The following PRKCG variants were observed in gnomAD, a reference collection of about 807,000 sequenced individuals.
PRKCG encodes the protein protein kinase C gamma type.
In PRKCG, 28 loss-of-function variants were observed where a neutral mutation model predicts 82.0. That is an observed-to-expected ratio of 0.34 (90% CI 0.25 to 0.47). PRKCG has a LOEUF of 0.47. Ranked by LOEUF, PRKCG falls within the 20% of genes least tolerant of loss-of-function variation. The pLI is 1.00. For synonymous variants in PRKCG, 383 were observed against 376.6 expected, an observed-to-expected ratio of 1.02 and a Z score of -0.20; for missense variants, 640 against 952.7, an observed-to-expected ratio of 0.67 and a Z score of 4.32.
Position 53,882,491 on chromosome 19 carries a change from G to A in PRKCG, c.-4G>A, listed in dbSNP as rs2068599953. On this transcript the variant is annotated 5_prime_UTR_variant, in exon 1 of 18. Coordinates refer to ENST00000263431, the MANE Select transcript of PRKCG (RefSeq NM_002739.5). The surrounding 1 kb of genome is among the most constrained non-coding windows in gnomAD (Gnocchi z 6.1). ...ATCCTGGTCCCTGCTACGTTTCTGG[G>A]GCCATGGCTGGTCTGGGCCCCGGCG... 3.7e-6 allele frequency: 6 copies of A among 1,613,092 alleles called. No homozygotes were observed. Among genetic ancestry groups the A allele is most frequent in the Non-Finnish European group, 4.2e-6 (5 of 1,179,552 alleles).
At position 53,906,123 on chromosome 19, in the gene PRKCG, CT is replaced by C. The variant is rs1351626848; in HGVS notation, c.1765-192del. 4.5e-3 allele frequency among the ~76,000 whole-genome samples: 279 copies of C among 62,184 alleles called. 15 individuals carry two copies. Among genetic ancestry groups the C allele is most frequent in the African/African-American group, 0.045 (249 of 5,578 alleles). 40.8% of individuals were successfully genotyped at this position (62,184 alleles called of 152,430 possible). ...TTCTTCTTCTTCTTCTTCTTCTTTT[CT>C]TCTCTCTCTCTCTCCTTTCTTTTCC... On this transcript the variant is annotated intron_variant, in intron 16 of 17. Transcript: ENST00000263431.
chr19:53,883,145 G>T lies in PRKCG; in HGVS notation c.171-18G>T, dbSNP rs765118683. 6.2e-7 allele frequency: 1 copy of T among 1,614,030 alleles called. No individual in the cohort carries two copies. ...GGTACCCCTTTCTGCACTGACCTAG[G>T]ATCCCTGACTCTTCCAGGGGTATCG... On this transcript the variant is annotated intron_variant, in intron 1 of 17. Transcript: ENST00000263431. This position sits in a 1 kb window ranked among gnomAD's most constrained non-coding sequence, Gnocchi z 5.4.
rs2068618986 is a variant in PRKCG, at chr19:53,884,667, C to T, written c.285+424C>T. Among the ~76,000 whole-genome samples the T allele has an allele frequency of 6.7e-6, 1 of 150,242 alleles. No homozygotes were observed. Among genetic ancestry groups the T allele is most frequent in the South Asian group, 2.1e-4 (1 of 4,766 alleles). On this transcript the variant is annotated intron_variant, in intron 3 of 17. Coordinates refer to ENST00000263431, the MANE Select transcript of PRKCG (RefSeq NM_002739.5). The surrounding 1 kb of genome is among the most constrained non-coding windows in gnomAD (Gnocchi z 4.6). ...GACCTAGGAGAGACTGAAGCTGAGGCAGAGAGAGAGAGAGATGGAGCAGAG... is the reference window on the plus strand; with the variant it reads ...GACCTAGGAGAGACTGAAGCTGAGGTAGAGAGAGAGAGAGATGGAGCAGAG...
At chr19:53,905,286 T>G (rs1233102491) in intron 16 of PRKCG, among the ~76,000 whole-genome samples, 1 of 152,032 alleles carries the variant, frequency 6.6e-6, no homozygotes, top group Non-Finnish European at 1.5e-5. Context: ...GTTTCTTCCT[T>G]TTCTCTGTGT....
At position 53,889,829 on chromosome 19, in the gene PRKCG, GT is replaced by G; in HGVS notation, c.398-56del. On this transcript the variant is annotated intron_variant, in intron 4 of 17. Transcript: ENST00000263431. This position sits in a 1 kb window ranked among gnomAD's most constrained non-coding sequence, Gnocchi z 4.4. ...GGAAATGCCCGGGATGGGGTGGGGG[GT>G]GGAGTCTTGGCTTGGGGGCGGGGCC... 1 of 1,573,026 alleles carries G rather than the reference GT, an allele frequency of 6.4e-7. No individual in the cohort carries two copies. The highest frequency in any genetic ancestry group is 1.8e-5 in the Admixed American group (1 of 54,188).
At chr19:53,882,182 C>A (rs570816059), upstream of PRKCG, 1 of 393,700 alleles carries the variant, frequency 2.5e-6, no homozygotes, top group East Asian at 7.4e-5. This position sits in a 1 kb window ranked among gnomAD's most constrained non-coding sequence, Gnocchi z 6.1. Flanking sequence ...ACGCCTCCCC[C>A]AACCCGGGGC....
At chr19:53,887,738 G>C (rs1363085928) in intron 3 of PRKCG, among the ~76,000 whole-genome samples, 1 of 150,194 alleles carries the variant, frequency 6.7e-6, no homozygotes, top group African/African-American at 2.5e-5. Context: ...GCTGAGGCAG[G>C]AGTATCGCTT....
In PRKCG at chr19:53,892,875, C is replaced by G. The variant is rs1301813574; in HGVS notation, c.822-113C>G. 1.8e-6 allele frequency: 2 copies of G among 1,129,858 alleles called. No homozygotes were observed. Among genetic ancestry groups the G allele is most frequent in the Non-Finnish European group, 2.6e-6 (2 of 768,446 alleles). 70.0% of individuals were successfully genotyped at this position (1,129,858 alleles called of 1,614,324 possible). On this transcript the variant is annotated intron_variant, in intron 7 of 17. Coordinates refer to ENST00000263431, the MANE Select transcript of PRKCG (RefSeq NM_002739.5). The surrounding 1 kb of genome is among the most constrained non-coding windows in gnomAD (Gnocchi z 5.9). ...TCTCTTTTTATCTCACTCTTTCTCT[C>G]TTCCATCTCTGTGTCCGTCTCTCTG...
chr19:53,884,127 C>A lies in PRKCG; in HGVS notation c.203-34C>A. The A allele has an allele frequency of 6.2e-7, 1 of 1,606,252 alleles. No homozygotes were observed. Among genetic ancestry groups the A allele is most frequent in the Non-Finnish European group, 8.5e-7 (1 of 1,173,162 alleles). ...GGGTCTCCCGCTGGACTAATCCATGCCTCCGTCTGTGTCTCTATGATTTTC... is the reference window on the plus strand; with the variant it reads ...GGGTCTCCCGCTGGACTAATCCATGACTCCGTCTGTGTCTCTATGATTTTC... On this transcript the variant is annotated intron_variant, in intron 2 of 17. Transcript: ENST00000263431. This position sits in a 1 kb window ranked among gnomAD's most constrained non-coding sequence, Gnocchi z 4.6.
At position 53,882,601 on chromosome 19, in the gene PRKCG, A is replaced by T; in HGVS notation, c.107A>T (p.His36Leu). The T allele has an allele frequency of 6.2e-7, 1 of 1,613,984 alleles. No individual in the cohort carries two copies. The highest frequency in any genetic ancestry group is 8.5e-7 in the Non-Finnish European group (1 of 1,179,992). The change falls in exon 1 of 18, where the codon CAC becomes CTC. Residue 36 changes from histidine to leucine, a missense_variant. His to Leu is a moderately conservative substitution (Grantham distance 99). Around this residue, in one of 7 missense-constraint regions of PRKCG, gnomAD observed 50 missense variants for 146.5 expected, o/e 0.34. Transcript: ENST00000263431. This position sits in a 1 kb window ranked among gnomAD's most constrained non-coding sequence, Gnocchi z 6.1. ...AAGGTGGTCCACGAAGTCAAGAGCC[A>T]CAAGTTCACCGCTCGCTTCTTCAAG... is the stretch of plus-strand genomic sequence containing the variant. The part of the protein sequence containing the change: ...RQKVVHEVKS[H>L]KFTARFFKQP...
chr19:53,898,900 G>C lies in PRKCG; in HGVS notation c.1281+272G>C, dbSNP rs1490063622. ...AGGGGCTCCTCGGGGGCGTGGCCAG[G>C]TGGAGGGACTCATCGGGGGCGTGGC... On this transcript the variant is annotated intron_variant, in intron 11 of 17. Transcript: ENST00000263431. Among the ~76,000 whole-genome samples the C allele has an allele frequency of 1.4e-5, 2 of 142,464 alleles. 1 individual carries two copies. The highest frequency in any genetic ancestry group is 5.4e-5 in the African/African-American group (2 of 37,246). 93.5% of individuals were successfully genotyped at this position (142,464 alleles called of 152,430 possible). A position where few individuals can be genotyped will look rare whatever the true frequency, so the allele number is the denominator to read the frequency against.
chr19:53,887,273 G>T (rs1352158346), intron 3 of PRKCG, among the ~76,000 whole-genome samples: 1 of 151,924 alleles, frequency 6.6e-6, no homozygotes, highest in Non-Finnish European at 1.5e-5. Flanking sequence ...CGAGGCGGGT[G>T]GATCACCTGA....
At position 53,891,727 on chromosome 19, in the gene PRKCG, T is replaced by A. The variant is rs1167148835; in HGVS notation, c.583T>A (p.Tyr195Asn). 1 of 1,614,042 alleles carries A rather than the reference T, an allele frequency of 6.2e-7. No homozygotes were observed. The highest frequency in any genetic ancestry group is 8.5e-7 in the Non-Finnish European group (1 of 1,179,982). ...GGACCCCAATGGTCTCTCTGATCCC[T>A]ATGTGAAACTGAAGCTCATCCCAGA... ...PMDPNGLSDP[Y>N]VKLKLIPDPR... is the part of the protein sequence containing the mutation. The change falls in exon 6 of 18, where the codon TAT becomes AAT. Residue 195 changes from tyrosine (Y) to asparagine (N), a missense_variant. By Grantham distance (143) the Tyr-to-Asn change is moderately radical. Transcript: ENST00000263431.
chr19:53,901,918 C>T (rs1034528346), intron 14 of PRKCG, among the ~76,000 whole-genome samples: 3 of 151,116 alleles, frequency 2.0e-5, no homozygotes, highest in Non-Finnish European at 2.9e-5. Flanking sequence ...AGAGCAGATG[C>T]TGTCCTATGA....
In PRKCG at chr19:53,889,852, G is replaced by A. The variant is rs556168847; in HGVS notation, c.398-34G>A. 2 of 1,570,698 alleles carry A rather than the reference G, an allele frequency of 1.3e-6. No individual in the cohort carries two copies. The highest frequency in any genetic ancestry group is 1.2e-5 in the South Asian group (1 of 85,994). On this transcript the variant is annotated intron_variant, in intron 4 of 17. Transcript: ENST00000263431. The surrounding 1 kb of genome is among the most constrained non-coding windows in gnomAD (Gnocchi z 4.4). ...GGGTGGAGTCTTGGCTTGGGGGCGG[G>A]GCCTGAGGTGCTACCCGCAGCTTTC...
At position 53,902,365 on chromosome 19, in the gene PRKCG, G is replaced by C. The variant is rs149510833; in HGVS notation, c.1576-708G>C. On this transcript the variant is annotated intron_variant, in intron 14 of 17. Transcript: ENST00000263431. The stretch of plus-strand genomic sequence containing the variant: ...GGAGGTGGAGGTTGCAGTGAGCCAA[G>C]ATTGCACCACTGCACTGCATCCTGG... Among the ~76,000 whole-genome samples the C allele has an allele frequency of 2.8e-4, 42 of 152,244 alleles. No individual in the cohort carries two copies. In the East Asian group the frequency reaches 7.7e-3, roughly 28 times the overall value.
chr19:53,903,931 TA>T (rs914049222), intron 15 of PRKCG, among the ~76,000 whole-genome samples: 3 of 152,116 alleles, frequency 2.0e-5, no homozygotes, highest in African/African-American at 7.2e-5. Flanking sequence ...GGTAGTAAAG[TA>T]AAAAGGAGCT....
In PRKCG at chr19:53,882,266, G is replaced by A. The variant is rs757854018; in HGVS notation, c.-229G>A. The A allele has an allele frequency of 1.6e-6, 1 of 612,366 alleles. No homozygotes were observed. The highest frequency in any genetic ancestry group is 1.7e-5 in the South Asian group (1 of 59,378). 37.9% of individuals were successfully genotyped at this position (612,366 alleles called of 1,614,324 possible). ...CGTGCCTCCGGCTGCCGGCGCCCCT[G>A]CCTTTGGCTCTTCCTCCCCACTCGC... On this transcript the variant is annotated 5_prime_UTR_variant, in exon 1 of 18. Transcript: ENST00000263431. The surrounding 1 kb of genome is among the most constrained non-coding windows in gnomAD (Gnocchi z 6.1).
intron 5 of PRKCG, 94 bp downstream of exon 5, chr19:53,890,111 A>C: frequency 7.5e-7 from 1 of 1,328,238 alleles, no homozygotes. Flanking sequence ...CCTACCCCAA[A>C]GATGGGGCCA....
Sources: gnomAD v4.1 joint callset for allele counts (sites outside exome capture counted in the v4.1 genomes callset) on GRCh38, gnomAD v4.1.1 for gene constraint, gnomAD v4.1.1 regional missense constraint, Gnocchi (gnomAD v3.1) non-coding constraint, MANE v1.5 for transcripts, NCBI Gene and HGNC (gene_info 2026-07-23, HGNC 2026-07-21) for gene names.